The following SAMD5 variants were observed in gnomAD, a reference collection of about 807,000 sequenced individuals.
The protein encoded by SAMD5 is sterile alpha motif domain-containing protein 5.
In SAMD5, 13 loss-of-function variants were observed where a neutral mutation model predicts 11.3. That is an observed-to-expected ratio of 1.15 (90% CI 0.75 to 1.83). SAMD5 has a LOEUF of 1.83. Among genes scored for constraint, SAMD5 ranks in the 40% most tolerant of loss-of-function variants. The pLI is 0.00. For synonymous variants in SAMD5, 129 were observed against 111.3 expected (o/e 1.16, Z -1.00); for missense variants, 255 against 239.1 (o/e 1.07, Z -0.44).
chr6:147,816,301 A>AAAATATAT, the SAMD5 span, among the ~76,000 whole-genome samples: 7 of 66,354 alleles, frequency 1.1e-4, no homozygotes, highest in Admixed American at 5.9e-4. Context: ...AAAAAAAAAA[A>AAAATATAT]ATATATATAT....
At chr6:147,784,638 A>T in the SAMD5 span, among the ~76,000 whole-genome samples, 1 of 152,210 alleles carries the variant, frequency 6.6e-6, no homozygotes, top group Non-Finnish European at 1.5e-5. Flanking sequence ...TTTTCCTTCA[A>T]GACAATACAA....
At chr6:147,857,109 T>C in the SAMD5 span, among the ~76,000 whole-genome samples, 1 of 151,756 alleles carries the variant, frequency 6.6e-6, no homozygotes, top group Admixed American at 6.6e-5. Flanking sequence ...TACCAACCAC[T>C]GTAGAGAACA....
chr6:147,634,242 G>C (rs915805253), intron 1 of SAMD5, among the ~76,000 whole-genome samples: 11 of 152,184 alleles, frequency 7.2e-5, no homozygotes, highest in African/African-American at 2.7e-4. Flanking sequence ...AGGAAGTATA[G>C]CTGGGGAGGC....
intron 1 of SAMD5, among the ~76,000 whole-genome samples, chr6:147,721,403 A>G (rs1457498084): frequency 6.6e-6 from 1 of 152,126 alleles, no homozygotes. Flanking sequence ...AACTGGTGTG[A>G]GATGGTATCT....
At chr6:147,872,036 T>C in the SAMD5 span, among the ~76,000 whole-genome samples, 20 of 152,332 alleles carry the variant, frequency 1.3e-4, no homozygotes, top group Middle Eastern at 3.4e-3. Flanking sequence ...AGAAGAATCA[T>C]GAGCATTTCT....
chr6:147,815,983 G>C, the SAMD5 span, among the ~76,000 whole-genome samples: 1 of 151,936 alleles, frequency 6.6e-6, no homozygotes, highest in Admixed American at 6.6e-5. Flanking sequence ...TCTAATAAAA[G>C]TATATTAGAA....
intron 1 of SAMD5, among the ~76,000 whole-genome samples, chr6:147,729,175 A>G (rs1791672988): frequency 6.6e-6 from 1 of 152,160 alleles, no homozygotes; most frequent in Non-Finnish European, 1.5e-5. Flanking sequence ...CTCTTCTTAT[A>G]AGGACACCAG....
At chr6:147,797,904 G>A in the SAMD5 span, among the ~76,000 whole-genome samples, 12,288 of 150,252 alleles carry the variant, frequency 0.082, 696 homozygotes, top group African/African-American at 0.16. Context: ...CTGTGGGATC[G>A]GTGGTGATAT....
the SAMD5 span, among the ~76,000 whole-genome samples, chr6:147,951,027 C>T: frequency 1.3e-5 from 2 of 151,164 alleles, no homozygotes; most frequent in African/African-American, 4.9e-5. Flanking sequence ...TCTCCATGTG[C>T]TAAGTGAGAG....
the SAMD5 span, among the ~76,000 whole-genome samples, chr6:147,936,210 TCTGA>T: frequency 6.6e-6 from 1 of 152,186 alleles, no homozygotes; most frequent in Non-Finnish European, 1.5e-5. Context: ...ATCTCCCTGG[TCTGA>T]CTATTACCCT....
chr6:147,772,240 G>A, the SAMD5 span, among the ~76,000 whole-genome samples: 1 of 152,068 alleles, frequency 6.6e-6, no homozygotes, highest in Non-Finnish European at 1.5e-5. Flanking sequence ...TGCCTGAGGG[G>A]AAAAGTAGTC....
intron 1 of SAMD5, among the ~76,000 whole-genome samples, chr6:147,551,528 C>A (rs916811204): frequency 2.0e-5 from 3 of 151,694 alleles, no homozygotes; most frequent in Non-Finnish European, 2.9e-5. Context: ...TTTTTCTACC[C>A]CCAATCTGAA....
At chr6:147,659,693 G>A (rs559632399) in intron 1 of SAMD5, among the ~76,000 whole-genome samples, 21 of 152,140 alleles carry the variant, frequency 1.4e-4, no homozygotes, top group Non-Finnish European at 2.4e-4. Context: ...GAGAAGTAGT[G>A]GCTAAAGTAA....
At chr6:147,884,339 C>G in the SAMD5 span, among the ~76,000 whole-genome samples, 1 of 152,198 alleles carries the variant, frequency 6.6e-6, no homozygotes, top group East Asian at 1.9e-4. Context: ...CCTTGGTGGA[C>G]AGGTAGAGAG....
intron 1 of SAMD5, among the ~76,000 whole-genome samples, chr6:147,631,106 C>T (rs6942207): frequency 0.029 from 4,340 of 152,054 alleles, 215 homozygotes; most frequent in African/African-American, 0.097. Context: ...GCATGGGAAC[C>T]TAGAGTGGGA....
chr6:147,807,748 G>A, the SAMD5 span, among the ~76,000 whole-genome samples: 4 of 152,084 alleles, frequency 2.6e-5, no homozygotes, highest in Admixed American at 6.6e-5. Context: ...AGAACCTTTC[G>A]TGTGTCTTAC....
the SAMD5 span, among the ~76,000 whole-genome samples, chr6:147,880,762 C>A: frequency 6.6e-6 from 1 of 152,176 alleles, no homozygotes; most frequent in South Asian, 2.1e-4. Context: ...TTACATCATA[C>A]AGACTGTCCG....
At chr6:147,573,712 T>C (rs182738159), downstream of SAMD5, among the ~76,000 whole-genome samples, 204 of 152,262 alleles carry the variant, frequency 1.3e-3, 1 homozygote, top group South Asian at 2.3e-3. Context: ...GGATTTTGTA[T>C]TGGAGGAACA....
chr6:147,929,368 C>T, the SAMD5 span, among the ~76,000 whole-genome samples: 2,934 of 152,170 alleles, frequency 0.019, 45 homozygotes, highest in Non-Finnish European at 0.029. Flanking sequence ...AGCAGGAAAC[C>T]AAATCTCCTG....
Sources: gnomAD v4.1 joint callset for allele counts (sites outside exome capture counted in the v4.1 genomes callset) on GRCh38, gnomAD v4.1.1 for gene constraint, MANE v1.5 for transcripts, NCBI Gene and HGNC (gene_info 2026-07-23, HGNC 2026-07-21) for gene names.